Variants in ACSS3 observed in about 807,000 individuals in gnomAD.
The protein encoded by ACSS3 is acyl-CoA synthetase short-chain family member 3, mitochondrial.
A neutral mutation model predicts 84.2 loss-of-function variants in ACSS3; 64 were observed. The ratio of observed to expected loss-of-function variants is 0.76; its 90% CI spans 0.62 to 0.94. ACSS3 has a LOEUF of 0.94. Ranked by LOEUF, ACSS3 falls within the 40% of genes least tolerant of loss-of-function variation. The pLI, the probability that ACSS3 is intolerant of heterozygous loss-of-function variation, is 0.00. For missense variants in ACSS3, 815 were observed against 867.6 expected (o/e 0.94, Z 0.76); for synonymous variants, 317 against 310.1 (o/e 1.02, Z -0.23).
At chr12:81,251,652 C>T (rs180814198) in intron 13 of ACSS3, among the ~76,000 whole-genome samples, 17 of 119,084 alleles carry the variant, frequency 1.4e-4, no homozygotes, top group Admixed American at 1.0e-3. Context: ...GGGAACATGG[C>T]GAAACCCCAT....
rs1593159669 is a variant in ACSS3, at chr12:81,174,501, C to G, written c.1099-287C>G. ...GGCAAATACAAGAATGTTTTATATT[C>G]TTAATTTGAATGTGGTATGTATTTT... On this transcript the variant is annotated intron_variant, in intron 7 of 15. Coordinates refer to ENST00000548058, the MANE Select transcript of ACSS3 (RefSeq NM_024560.4). 3 of 239,916 alleles carry G rather than the reference C, an allele frequency of 1.3e-5. No homozygotes were observed. The East Asian group carries it at 2.4e-4, about 19-fold the overall frequency. The allele number at this position is 239,916 out of a possible 1,614,324, so 14.9% of individuals were successfully genotyped here. A position where few individuals can be genotyped will look rare whatever the true frequency, so the allele number is the denominator to read the frequency against.
chr12:81,191,106 A>G (rs919708436), intron 8 of ACSS3, among the ~76,000 whole-genome samples: 2 of 152,008 alleles, frequency 1.3e-5, no homozygotes, highest in Non-Finnish European at 2.9e-5. Flanking sequence ...GTTTTCATAC[A>G]TGCACAGCCT....
intron 11 of ACSS3, among the ~76,000 whole-genome samples, chr12:81,224,934 A>C (rs2135957360): frequency 6.6e-6 from 1 of 151,992 alleles, no homozygotes; most frequent in South Asian, 2.1e-4. Flanking sequence ...ATGGCCCTAA[A>C]GCACAATAGT....
intron 2 of ACSS3, among the ~76,000 whole-genome samples, chr12:81,124,850 A>G (rs1160036916): frequency 6.6e-6 from 1 of 152,182 alleles, no homozygotes; most frequent in Non-Finnish European, 1.5e-5. Context: ...CATTCTATCA[A>G]TTCTTTTTAG....
At chr12:81,089,906 C>A (rs577036586) in intron 1 of ACSS3, among the ~76,000 whole-genome samples, 1 of 152,006 alleles carries the variant, frequency 6.6e-6, no homozygotes, top group East Asian at 1.9e-4. Flanking sequence ...GTGGCTTGTC[C>A]GAAGTTATAC....
At chr12:81,241,715 C>G (rs2033810003) in intron 13 of ACSS3, among the ~76,000 whole-genome samples, 1 of 151,918 alleles carries the variant, frequency 6.6e-6, no homozygotes, top group Non-Finnish European at 1.5e-5. Context: ...TGTTTGAGTT[C>G]ATTGTAGATT....
rs148109615 is a variant in ACSS3, at chr12:81,177,095, T to C, written c.1250+2156T>C. Among the ~76,000 whole-genome samples the C allele has an allele frequency of 4.7e-3, 713 of 152,118 alleles. 6 individuals carry two copies. Among genetic ancestry groups the C allele is most frequent in the African/African-American group, 0.013 (548 of 41,492 alleles). Reference sequence around the variant, plus strand: ...TGATTATCTCAATAGATGCAGAAAATGACATAAATAAAATTTAGTATCCCT... The same window carrying C: ...TGATTATCTCAATAGATGCAGAAAACGACATAAATAAAATTTAGTATCCCT... On this transcript the variant is annotated intron_variant, in intron 8 of 15. Coordinates refer to ENST00000548058, the MANE Select transcript of ACSS3 (RefSeq NM_024560.4).
intron 7 of ACSS3, among the ~76,000 whole-genome samples, chr12:81,165,823 G>A (rs1273606478): frequency 6.6e-6 from 1 of 152,102 alleles, no homozygotes; most frequent in African/African-American, 2.4e-5. Flanking sequence ...TCTGCACTAG[G>A]TTTTTAAGGG....
At chr12:81,081,392 TCTC>T (rs1880965871) in intron 1 of ACSS3, among the ~76,000 whole-genome samples, 1 of 152,194 alleles carries the variant, frequency 6.6e-6, no homozygotes, top group Non-Finnish European at 1.5e-5. Flanking sequence ...CGTGATTGCT[TCTC>T]CTCACAGTTT....
intron 13 of ACSS3, 103 bp downstream of exon 13, chr12:81,233,574 C>G: frequency 7.1e-7 from 1 of 1,418,428 alleles, no homozygotes; most frequent in East Asian, 2.3e-5. Flanking sequence ...CCACACCCTT[C>G]ATTTGCAGCA....
chr12:81,120,202 G>A (rs1884460302), intron 2 of ACSS3, among the ~76,000 whole-genome samples: 1 of 152,154 alleles, frequency 6.6e-6, no homozygotes, highest in Admixed American at 6.5e-5. Flanking sequence ...AAAACCAACT[G>A]CTTTTGTTGG....
chr12:81,230,666 T>G (rs886100248), intron 11 of ACSS3, among the ~76,000 whole-genome samples: 8 of 151,868 alleles, frequency 5.3e-5, no homozygotes, highest in Admixed American at 4.6e-4. Flanking sequence ...GATGACAATA[T>G]CTTAGTACTT....
chr12:81,099,741 AT>A (rs1469539253), intron 1 of ACSS3, among the ~76,000 whole-genome samples: 1 of 152,098 alleles, frequency 6.6e-6, no homozygotes, highest in Non-Finnish European at 1.5e-5. Context: ...TATCAGTCTT[AT>A]TCCCTTTTAT....
At chr12:81,169,424 A>G (rs948687904) in intron 7 of ACSS3, among the ~76,000 whole-genome samples, 3 of 152,170 alleles carry the variant, frequency 2.0e-5, no homozygotes, top group African/African-American at 7.2e-5. Context: ...TTATAGAGAA[A>G]GGGGCATTGA....
At chr12:81,103,648 C>G (rs1882716302) in intron 1 of ACSS3, among the ~76,000 whole-genome samples, 1 of 151,852 alleles carries the variant, frequency 6.6e-6, no homozygotes, top group African/African-American at 2.4e-5. Context: ...CAGAACCTAC[C>G]TCATTTGGAT....
At chr12:81,135,439 ATAT>A (rs899989273) in intron 3 of ACSS3, among the ~76,000 whole-genome samples, 92 of 144,954 alleles carry the variant, frequency 6.3e-4, no homozygotes, top group Non-Finnish European at 1.1e-3. Context: ...ATAATATATA[ATAT>A]TATAATAATA....
At chr12:81,198,382 G>C (rs1565716029) in intron 8 of ACSS3, among the ~76,000 whole-genome samples, 1 of 152,156 alleles carries the variant, frequency 6.6e-6, no homozygotes, top group African/African-American at 2.4e-5. Context: ...GAACATAGGA[G>C]TGGAAGTATT....
rs112857249 is a variant in ACSS3 at position 81,082,393 on chromosome 12, A to T, written c.311+3962A>T. Among the ~76,000 whole-genome samples, 789 of 152,320 alleles carry T rather than the reference A, an allele frequency of 5.2e-3. 4 individuals are homozygous for T. The highest frequency in any genetic ancestry group is 0.014 in the African/African-American group (573 of 41,578). On this transcript the variant is annotated intron_variant, in intron 1 of 15. Coordinates refer to ENST00000548058, the MANE Select transcript of ACSS3 (RefSeq NM_024560.4). ...AATCCAGCCTTTATTGGGGGATATGATACTGTCTTCTTTAGAAGGATCATG... is the reference window on the plus strand; with the variant it reads ...AATCCAGCCTTTATTGGGGGATATGTTACTGTCTTCTTTAGAAGGATCATG...
At chr12:81,167,579 A>G (rs1887461820) in intron 7 of ACSS3, among the ~76,000 whole-genome samples, 1 of 152,114 alleles carries the variant, frequency 6.6e-6, no homozygotes, top group South Asian at 2.1e-4. Context: ...AGGACCATGT[A>G]TCTGCACATG....
Sources: allele counts gnomAD v4.1 joint callset (sites outside exome capture counted in the v4.1 genomes callset), GRCh38; gene constraint gnomAD v4.1.1; transcripts MANE v1.5; gene names NCBI Gene and HGNC (gene_info 2026-07-23, HGNC 2026-07-21).